The following RYR3 variants were observed in gnomAD, a reference collection of about 807,000 sequenced individuals.
RYR3 encodes the protein brain ryanodine receptor-calcium release channel.
Under a neutral mutation model 584.3 loss-of-function variants are expected in RYR3, and 207 were observed. That is an observed-to-expected ratio of 0.35 (90% CI 0.32 to 0.40). The LOEUF is 0.40. Among genes scored for constraint, RYR3 ranks in the 10% least tolerant of loss-of-function variants. RYR3 has a pLI of 1.00. For synonymous variants in RYR3, 2,416 were observed against 2,248.5 expected (o/e 1.07, Z -2.11); for missense variants, 5,616 against 6,089.2 (o/e 0.92, Z 2.59).
At position 33,708,642 on chromosome 15, in the gene RYR3, A is replaced by C. The variant is rs554227863; in HGVS notation, c.6619+1588A>C. Among the ~76,000 whole-genome samples, 12 of 148,740 alleles carry C rather than the reference A, an allele frequency of 8.1e-5. No homozygotes were observed. In the South Asian group the frequency reaches 2.5e-3, roughly 31 times the overall value. ...AGAAATATTTGTGGATTTCAGTTTA[A>C]TGTTTGTCTCTATAATAGTGTTATA... On this transcript the variant is annotated intron_variant, in intron 43 of 103. Coordinates refer to ENST00000634891, the MANE Select transcript of RYR3 (RefSeq NM_001036.6).
At chr15:33,768,446 C>A (rs1179676069) in intron 60 of RYR3, among the ~76,000 whole-genome samples, 1 of 152,232 alleles carries the variant, frequency 6.6e-6, no homozygotes, top group East Asian at 1.9e-4. Context: ...GAGCTGCCTG[C>A]AAGGTACCTT....
At chr15:33,610,435 C>T (rs1390162) in intron 18 of RYR3, among the ~76,000 whole-genome samples, 151,342 of 152,276 alleles carry the variant, frequency 0.99, 75,210 homozygotes, top group Middle Eastern at 1. Context: ...CTTAAGAGCA[C>T]GAGTTGGGTC....
rs1340198830 is a variant in RYR3, at chr15:33,562,878, A to G, written c.1014A>G (p.Ile338Met). The G allele has an allele frequency of 1.2e-6, 2 of 1,613,332 alleles. No individual in the cohort carries two copies. Among genetic ancestry groups the G allele is most frequent in the Admixed American group, 3.3e-5 (2 of 59,976 alleles). The change falls in exon 11 of 104, where the codon ATA becomes ATG. Residue 338 changes from isoleucine (I) to methionine (M), a missense_variant. By Grantham distance (10) the Ile-to-Met change is conservative. This residue lies in a region of RYR3 where 1,284 missense variants were observed against 1,344.6 expected (regional missense o/e 0.95). Transcript: ENST00000634891. ...EKLDSSHKRD[I>M]EGMGVPEIKY... Reference sequence around the variant, plus strand: ...TAGACTCCAGTCACAAGCGAGACATAGAAGGCATGGGAGTTCCAGAAATCA... The same window carrying G: ...TAGACTCCAGTCACAAGCGAGACATGGAAGGCATGGGAGTTCCAGAAATCA...
At chr15:33,448,014 G>C (rs765813750) in intron 1 of RYR3, among the ~76,000 whole-genome samples, 6 of 152,206 alleles carry the variant, frequency 3.9e-5, no homozygotes, top group Non-Finnish European at 8.8e-5. Flanking sequence ...CAATGTAAGA[G>C]ATAGAAAATG....
chr15:33,694,394 T>G (rs2004634), intron 38 of RYR3, among the ~76,000 whole-genome samples: 63,421 of 150,504 alleles, frequency 0.42, 15,294 homozygotes, highest in East Asian at 0.63. Flanking sequence ...ACAGGCGCCC[T>G]CCATCACGCC....
intron 38 of RYR3, among the ~76,000 whole-genome samples, chr15:33,679,149 T>A (rs923849473): frequency 3.5e-5 from 5 of 142,096 alleles, no homozygotes; most frequent in African/African-American, 1.3e-4. Context: ...GGGCATGAGT[T>A]CCCCTCCCCC....
intron 6 of RYR3, 95 bp from the exon 7 acceptor site, chr15:33,540,696 G>T (rs1181271298): frequency 2.6e-6 from 2 of 756,690 alleles, no homozygotes; most frequent in East Asian, 2.5e-5. Context: ...TGACAGTAAG[G>T]CTGTTTAATT....
At chr15:33,657,839 G>T (rs1265529491) in intron 32 of RYR3, among the ~76,000 whole-genome samples, 1 of 152,166 alleles carries the variant, frequency 6.6e-6, no homozygotes, top group Non-Finnish European at 1.5e-5. Context: ...TGTACTGGAT[G>T]AAAGTCTGGG....
chr15:33,368,216 C>T (rs980914596), intron 1 of RYR3, among the ~76,000 whole-genome samples: 1 of 152,092 alleles, frequency 6.6e-6, no homozygotes, highest in African/African-American at 2.4e-5. Context: ...ACAAAAACAT[C>T]CCCACTGAGT....
chr15:33,596,891 C>T (rs1185815728), intron 16 of RYR3, among the ~76,000 whole-genome samples: 1 of 152,050 alleles, frequency 6.6e-6, no homozygotes, highest in Non-Finnish European at 1.5e-5. Context: ...TCTTAACCTG[C>T]AAGCTGTCCT....
rs542427677 is a variant in RYR3, at chr15:33,771,263, C to T, written c.8817-657C>T. 1.6e-3 allele frequency among the ~76,000 whole-genome samples: 250 copies of T among 152,304 alleles called. 1 individual carries two copies. Among genetic ancestry groups the T allele is most frequent in the Non-Finnish European group, 2.9e-3 (197 of 68,026 alleles). Reference sequence around the variant, plus strand: ...AAAAGTTGTTTATCTAGGCTGAGCACGGTGGCTCACGCCTGTAATCCCAGC... The same window carrying T: ...AAAAGTTGTTTATCTAGGCTGAGCATGGTGGCTCACGCCTGTAATCCCAGC... On this transcript the variant is annotated intron_variant, in intron 62 of 103. Transcript: ENST00000634891.
rs376124958 is a variant in RYR3 at position 33,527,772 on chromosome 15, A to G, written c.280-2820A>G. The stretch of plus-strand genomic sequence containing the variant: ...TTGAGCAAGAAAGTAACATGATGTG[A>G]TTGACAGTTTTTAAAGGATGTCTCT... On this transcript the variant is annotated intron_variant, in intron 3 of 103. Coordinates refer to ENST00000634891, the MANE Select transcript of RYR3 (RefSeq NM_001036.6). Among the ~76,000 whole-genome samples, 17 of 152,218 alleles carry G rather than the reference A, an allele frequency of 1.1e-4. No individual in the cohort carries two copies. In the East Asian group the frequency reaches 1.7e-3, roughly 16 times the overall value.
In RYR3 at chr15:33,700,082, C is replaced by T. The variant is rs142629338; in HGVS notation, c.6379+249C>T. 7.2e-4 allele frequency among the ~76,000 whole-genome samples: 110 copies of T among 152,354 alleles called. 1 individual carries two copies. Among genetic ancestry groups the T allele is most frequent in the African/African-American group, 2.5e-3 (104 of 41,580 alleles). ...GTGTTGGCATAGTCGTACAGTTTTA[C>T]CTCATCTCTCTTGGGACCAGTGGCC... On this transcript the variant is annotated intron_variant, in intron 41 of 103. Coordinates refer to ENST00000634891, the MANE Select transcript of RYR3 (RefSeq NM_001036.6).
At chr15:33,799,672 G>A (rs1488431570) in intron 67 of RYR3, among the ~76,000 whole-genome samples, 1 of 152,166 alleles carries the variant, frequency 6.6e-6, no homozygotes, top group Non-Finnish European at 1.5e-5. Flanking sequence ...GCAAATTATT[G>A]AACCCAATGA....
intron 62 of RYR3, among the ~76,000 whole-genome samples, 177 bp from the exon 63 acceptor site, chr15:33,771,743 G>C (rs1471517485): frequency 6.6e-6 from 1 of 152,168 alleles, no homozygotes; most frequent in Admixed American, 6.5e-5. Context: ...GCCCCTCTGG[G>C]ATTGTGTGAT....
Position 33,311,174 on chromosome 15 carries a change from C to A in RYR3, c.51+78C>A. 8.6e-7 allele frequency: 1 copy of A among 1,166,594 alleles called. No homozygotes were observed. The highest frequency in any genetic ancestry group is 1.1e-6 in the Non-Finnish European group (1 of 870,458). The allele number at this position is 1,166,594 out of a possible 1,614,324, so 72.3% of individuals were successfully genotyped here. On this transcript the variant is annotated intron_variant, in intron 1 of 103. Coordinates refer to ENST00000634891, the MANE Select transcript of RYR3 (RefSeq NM_001036.6). The surrounding 1 kb of genome is among the most constrained non-coding windows in gnomAD (Gnocchi z 4.4). Reference sequence around the variant, plus strand: ...GCGCGGCGAGGAGGGGCTGGCTGCGCTGCGCCGCGGTGCCGGGTGCCCGGT... The same window carrying A: ...GCGCGGCGAGGAGGGGCTGGCTGCGATGCGCCGCGGTGCCGGGTGCCCGGT...
intron 1 of RYR3, among the ~76,000 whole-genome samples, chr15:33,464,503 T>TATATATATATATATATATATATAC (rs1180164194): frequency 1.9e-5 from 2 of 105,938 alleles, no homozygotes; most frequent in South Asian, 3.0e-4. Flanking sequence ...CATATATATA[T>TATATATATATATATATATATATAC]ACATACACAT....
In RYR3 at chr15:33,820,705, C is replaced by G. The variant is rs1036007; in HGVS notation, c.10759-51C>G. ...TTGTAGAGTTGTGTTTATTAGATTT[C>G]CCTTTAATTTGATTGTCTGTCTTCT... On this transcript the variant is annotated intron_variant, in intron 77 of 103. Transcript: ENST00000634891. 2.0e-6 allele frequency: 3 copies of G among 1,479,378 alleles called. No individual in the cohort carries two copies. The African/African-American group carries it at 4.2e-5, about 21-fold the overall frequency. 91.6% of individuals were successfully genotyped at this position (1,479,378 alleles called of 1,614,324 possible). A position where few individuals can be genotyped will look rare whatever the true frequency, so the allele number is the denominator to read the frequency against.
At chr15:33,770,974 GTAGTTTTGAGGGAAGGCTTCAAATCTCCA>G in intron 62 of RYR3, among the ~76,000 whole-genome samples, 1 of 152,200 alleles carries the variant, frequency 6.6e-6, no homozygotes, top group Admixed American at 6.5e-5. Context: ...ATGAAATACT[GTAGTTTTGAGGGAAGGCTTCAAATCTCCA>G]TAGCTGATCT....
Sources: gnomAD v4.1 joint callset for allele counts (sites outside exome capture counted in the v4.1 genomes callset) on GRCh38, gnomAD v4.1.1 for gene constraint, gnomAD v4.1.1 regional missense constraint, Gnocchi (gnomAD v3.1) non-coding constraint, MANE v1.5 for transcripts, NCBI Gene and HGNC (gene_info 2026-07-23, HGNC 2026-07-21) for gene names.